TDRD5: variants seen among roughly 807,000 people sequenced by gnomAD.
TDRD5 encodes the protein tudor domain containing 5.
In TDRD5, 41 loss-of-function variants were observed where a neutral mutation model predicts 120.6. That is an observed-to-expected ratio of 0.34 (90% CI 0.26 to 0.44). TDRD5 has a LOEUF of 0.44. Ranked by LOEUF, TDRD5 falls within the 20% of genes least tolerant of loss-of-function variation. The pLI, the probability that TDRD5 is intolerant of heterozygous loss-of-function variation, is 1.00. For synonymous variants in TDRD5, 430 were observed against 433.7 expected, an observed-to-expected ratio of 0.99 and a Z score of 0.11; for missense variants, 1,006 against 1,221.2, an observed-to-expected ratio of 0.82 and a Z score of 2.63.
chr1:179,653,707 TCTA>T (rs1248254046), intron 13 of TDRD5, among the ~76,000 whole-genome samples: 1 of 152,170 alleles, frequency 6.6e-6, no homozygotes, highest in African/African-American at 2.4e-5. Context: ...GGCTTAAAAC[TCTA>T]CTATTCCACC....
chr1:179,633,052 G>A (rs577309164), intron 7 of TDRD5, among the ~76,000 whole-genome samples: 1 of 152,116 alleles, frequency 6.6e-6, no homozygotes, highest in Non-Finnish European at 1.5e-5. Context: ...TAATGAATGT[G>A]TATCACTTTC....
intron 6 of TDRD5, among the ~76,000 whole-genome samples, chr1:179,627,282 A>G (rs1677181862): frequency 6.6e-6 from 1 of 152,150 alleles, no homozygotes; most frequent in Admixed American, 6.5e-5. Flanking sequence ...CCAAAATCAC[A>G]CTAGAGAGAC....
At chr1:179,652,000 A>C in intron 12 of TDRD5, 39 bp from the exon 13 acceptor site, 1 of 1,599,100 alleles carries the variant, frequency 6.3e-7, no homozygotes, top group Non-Finnish European at 8.5e-7. Flanking sequence ...TCTGTTGGTC[A>C]TGTAAATTAA....
At chr1:179,612,985 C>G (rs1676366511) in intron 4 of TDRD5, among the ~76,000 whole-genome samples, 1 of 151,680 alleles carries the variant, frequency 6.6e-6, no homozygotes, top group Non-Finnish European at 1.5e-5. Flanking sequence ...ATTCCCTGCC[C>G]CCTCTGTCTT....
chr1:179,612,386 T>G (rs1427231766), intron 4 of TDRD5, among the ~76,000 whole-genome samples: 1 of 152,148 alleles, frequency 6.6e-6, no homozygotes, highest in African/African-American at 2.4e-5. Context: ...TTATTTTGAC[T>G]TCTTGAGAGG....
At chr1:179,623,651 T>G (rs1676964807) in intron 6 of TDRD5, among the ~76,000 whole-genome samples, 1 of 140,814 alleles carries the variant, frequency 7.1e-6, no homozygotes, top group African/African-American at 2.7e-5. Flanking sequence ...TTTTTTTCCT[T>G]TTAAGAGAGA....
chr1:179,641,403 G>T (rs555376088), intron 11 of TDRD5, among the ~76,000 whole-genome samples: 1 of 152,042 alleles, frequency 6.6e-6, no homozygotes, highest in Non-Finnish European at 1.5e-5. Flanking sequence ...GGTGGTGGGC[G>T]CCTGTAATCT....
At chr1:179,653,713 A>G (rs1488900887) in intron 13 of TDRD5, among the ~76,000 whole-genome samples, 1 of 152,160 alleles carries the variant, frequency 6.6e-6, no homozygotes, top group Admixed American at 6.5e-5. Flanking sequence ...AAACTCTACT[A>G]TTCCACCCTA....
chr1:179,644,978 T>G (rs1437338770), intron 11 of TDRD5, among the ~76,000 whole-genome samples: 2 of 140,562 alleles, frequency 1.4e-5, no homozygotes, highest in African/African-American at 5.0e-5. Flanking sequence ...TGTAGTAGTT[T>G]TATTATTGTT....
At chr1:179,648,832 C>T (rs973294387) in intron 11 of TDRD5, among the ~76,000 whole-genome samples, 3 of 152,134 alleles carry the variant, frequency 2.0e-5, no homozygotes, top group African/African-American at 7.2e-5. Flanking sequence ...CTCTGCTCTT[C>T]ATTCTTCAGT....
chr1:179,592,649 C>A lies in TDRD5; in HGVS notation c.34C>A (p.Arg12=). ...SEQERIQECL[R]KEIRSLLIST... ...ACAAGAGCGTATACAGGAATGTCTG[C>A]GGAAGGAAATAAGGTCACTTCTCAT... The change falls in exon 2 of 18, where the codon CGG becomes AGG. Residue 12 remains arginine (R), a synonymous_variant. Transcript: ENST00000444136. 8.7e-6 allele frequency: 14 copies of A among 1,613,990 alleles called. No homozygotes were observed. Among genetic ancestry groups the A allele is most frequent in the Non-Finnish European group, 1.2e-5 (14 of 1,180,012 alleles).
Position 179,638,025 on chromosome 1 carries a change from C to T in TDRD5, c.1521-1814C>T, listed in dbSNP as rs149971001. Among the ~76,000 whole-genome samples, 12 of 152,182 alleles carry T rather than the reference C, an allele frequency of 7.9e-5. No individual in the cohort carries two copies. In the East Asian group the frequency reaches 2.1e-3, roughly 27 times the overall value. On this transcript the variant is annotated intron_variant, in intron 9 of 17. Transcript: ENST00000444136. Reference sequence around the variant, plus strand: ...CCAACATTAACAAAGGAGTAAGTGGCGTGCGCTGGGAACAACAATAAGGAA... The same window carrying T: ...CCAACATTAACAAAGGAGTAAGTGGTGTGCGCTGGGAACAACAATAAGGAA...
At chr1:179,618,130 C>T (rs1280262366) in intron 4 of TDRD5, among the ~76,000 whole-genome samples, 2 of 152,130 alleles carry the variant, frequency 1.3e-5, no homozygotes, top group African/African-American at 4.8e-5. Flanking sequence ...CCTTTTCCCC[C>T]ACTCTCTTTG....
At chr1:179,609,152 A>C (rs996838144) in intron 4 of TDRD5, among the ~76,000 whole-genome samples, 1 of 152,132 alleles carries the variant, frequency 6.6e-6, no homozygotes, top group Non-Finnish European at 1.5e-5. Flanking sequence ...GTGGCCATCA[A>C]AGAGAGTGCT....
chr1:179,642,117 T>G (rs1334471316), intron 11 of TDRD5, among the ~76,000 whole-genome samples: 1 of 145,316 alleles, frequency 6.9e-6, no homozygotes, highest in Non-Finnish European at 1.5e-5. Context: ...TTTTTTTTTT[T>G]GGAGACGGAG....
intron 11 of TDRD5, among the ~76,000 whole-genome samples, chr1:179,649,411 T>C (rs975368528): frequency 1.3e-5 from 2 of 152,186 alleles, no homozygotes; most frequent in South Asian, 4.1e-4. Flanking sequence ...TTAACCTTTC[T>C]ATCGTATTTT....
chr1:179,648,403 C>T lies in TDRD5; in HGVS notation c.1801-2464C>T, dbSNP rs371915719. Among the ~76,000 whole-genome samples the T allele has an allele frequency of 9.8e-3, 1,129 of 115,530 alleles. 60 individuals are homozygous for T. Among genetic ancestry groups the T allele is most frequent in the Admixed American group, 0.076 (690 of 9,022 alleles). 75.8% of individuals were successfully genotyped at this position (115,530 alleles called of 152,430 possible). On this transcript the variant is annotated intron_variant, in intron 11 of 17. Coordinates refer to ENST00000444136, the MANE Select transcript of TDRD5 (RefSeq NM_001199085.3). The stretch of plus-strand genomic sequence containing the variant: ...ATAGATGGGAATTGAACAATGAGAA[C>T]ACATGGACACAGGAAGGGGAACATC...
At position 179,595,803 on chromosome 1, in the gene TDRD5, T is replaced by G; in HGVS notation, c.816T>G (p.Thr272=). The G allele has an allele frequency of 6.2e-7, 1 of 1,604,218 alleles. No individual in the cohort carries two copies. The highest frequency in any genetic ancestry group is 8.5e-7 in the Non-Finnish European group (1 of 1,176,680). The stretch of plus-strand genomic sequence containing the variant: ...TGGAGACTTCAAGACTGAATCACAC[T>G]GAAAAATTAAACCAGGTGAGAGATA... ...NVVETSRLNH[T]EKLNQLENTF... is the part of the protein sequence containing the mutation. The change falls in exon 4 of 18, where the codon ACT becomes ACG. Residue 272 remains threonine (T), a synonymous_variant. Coordinates refer to ENST00000444136, the MANE Select transcript of TDRD5 (RefSeq NM_001199085.3).
intron 17 of TDRD5, among the ~76,000 whole-genome samples, chr1:179,674,390 C>T (rs1202956971): frequency 6.6e-6 from 1 of 152,274 alleles, no homozygotes; most frequent in Admixed American, 6.5e-5. Context: ...TGGTATGAAA[C>T]CCCTCTGACC....
Sources: gnomAD v4.1 joint callset for allele counts (sites outside exome capture counted in the v4.1 genomes callset) on GRCh38, gnomAD v4.1.1 for gene constraint, MANE v1.5 for transcripts, NCBI Gene and HGNC (gene_info 2026-07-23, HGNC 2026-07-21) for gene names.